SLC12A6: variants seen among roughly 807,000 people sequenced by gnomAD.
The protein encoded by SLC12A6 is K-Cl cotransporter 3.
In SLC12A6, 66 loss-of-function variants were observed where a neutral mutation model predicts 135.3. The ratio of observed to expected loss-of-function variants is 0.49; its 90% CI spans 0.40 to 0.60. SLC12A6 has a LOEUF of 0.60. Ranked by LOEUF, SLC12A6 falls within the 20% of genes least tolerant of loss-of-function variation. The pLI is 0.00. For synonymous variants in SLC12A6, 513 were observed against 508.8 expected (o/e 1.01, Z -0.11); for missense variants, 1,058 against 1,452.3 (o/e 0.73, Z 4.41).
At chr15:34,281,725 T>G (rs933842323) in intron 2 of SLC12A6, among the ~76,000 whole-genome samples, 2 of 152,012 alleles carry the variant, frequency 1.3e-5, no homozygotes, top group Non-Finnish European at 2.9e-5. Flanking sequence ...GAGGCGGAGG[T>G]TGCAGTGAGC....
At chr15:34,281,556 G>A (rs369344067) in intron 2 of SLC12A6, among the ~76,000 whole-genome samples, 5 of 152,246 alleles carry the variant, frequency 3.3e-5, no homozygotes, top group African/African-American at 9.6e-5. Context: ...TTGGGAGGCC[G>A]AGGCGAGTGG....
At position 34,301,946 on chromosome 15, in the gene SLC12A6, C is replaced by A. The variant is rs551186327; in HGVS notation, c.272-26557G>T. Among the ~76,000 whole-genome samples the A allele has an allele frequency of 1.2e-3, 184 of 152,296 alleles. 3 individuals carry two copies. In the Middle Eastern group the frequency reaches 0.02, roughly 17 times the overall value. ...TCCCAAGCAAGAGAAATGTTAAGAC[C>A]ACTTTTTGTTTGAGCTCAGATTTGT... On this transcript the variant is annotated intron_variant, in intron 2 of 25. Transcript: ENST00000354181.
chr15:34,268,419 C>T (rs1028238985), intron 3 of SLC12A6, among the ~76,000 whole-genome samples: 3 of 152,194 alleles, frequency 2.0e-5, no homozygotes, highest in African/African-American at 4.8e-5. Context: ...CAATGGGAGG[C>T]TCCCAAAGAG....
chr15:34,319,261 G>T (rs1444189392), intron 2 of SLC12A6, among the ~76,000 whole-genome samples: 1 of 150,852 alleles, frequency 6.6e-6, no homozygotes, highest in South Asian at 2.1e-4. Context: ...TCAGCCTCAC[G>T]AGTAGCTGGG....
intron 2 of SLC12A6, among the ~76,000 whole-genome samples, chr15:34,292,318 G>A (rs347814): frequency 0.11 from 16,203 of 152,158 alleles, 2,935 homozygotes; most frequent in African/African-American, 0.37. Flanking sequence ...ACCAGCAGAG[G>A]CTGCAGAACA....
chr15:34,241,284 C>A lies in SLC12A6; in HGVS notation c.2216G>T (p.Arg739Leu). ...GIRGLSLSAA[R>L]FALLRLEEGP... ...TTCCTCCAATCGAAGCAAAGCAAACCGGGCTGCACTGAGGGACAGCCCACG... is the reference window on the plus strand; with the variant it reads ...TTCCTCCAATCGAAGCAAAGCAAACAGGGCTGCACTGAGGGACAGCCCACG... Residue 739 changes from arginine (R) to leucine (L), a missense_variant, in exon 18 of 26, where the codon CGG (arginine) becomes CTG (leucine). Physicochemically the swap from Arg to Leu is moderately radical, Grantham distance 102. Around this residue, in one of 6 missense-constraint regions of SLC12A6, gnomAD observed 170 missense variants for 297.6 expected, o/e 0.57. Coordinates refer to ENST00000354181, the MANE Select transcript of SLC12A6 (RefSeq NM_001365088.1). The A allele has an allele frequency of 7.4e-6, 12 of 1,612,126 alleles. No homozygotes were observed. The highest frequency in any genetic ancestry group is 1.0e-5 in the Non-Finnish European group (12 of 1,178,148).
At chr15:34,315,093 G>A (rs192536763) in intron 2 of SLC12A6, among the ~76,000 whole-genome samples, 2 of 152,324 alleles carry the variant, frequency 1.3e-5, no homozygotes, top group Middle Eastern at 3.4e-3. Context: ...TGAAGATGCT[G>A]TGAACACTGG....
intron 25 of SLC12A6, among the ~76,000 whole-genome samples, chr15:34,234,241 A>C (rs1891104417): frequency 6.6e-6 from 1 of 152,210 alleles, no homozygotes; most frequent in Non-Finnish European, 1.5e-5. Flanking sequence ...AAAATGATGA[A>C]AGAAGAAGAA....
intron 6 of SLC12A6, 122 bp downstream of exon 6, chr15:34,257,520 T>C (rs1244253446): frequency 2.6e-6 from 2 of 770,488 alleles, no homozygotes; most frequent in Non-Finnish European, 4.6e-6. Flanking sequence ...AATAATTTCT[T>C]CTGTTGAGAT....
In SLC12A6 at chr15:34,232,332, ATCC is replaced by A. The variant is rs1330499722; in HGVS notation, c.*1546_*1548del. 6.6e-6 allele frequency: 1 copy of A among 152,134 alleles called. No homozygotes were observed. The highest frequency in any genetic ancestry group is 2.4e-5 in the African/African-American group (1 of 41,396). The allele number at this position is 152,134 out of a possible 1,614,324, so 9.4% of individuals were successfully genotyped here. ...AACCTCCGCCTCCTGGGTTCAAATG[ATCC>A]TCCTGCCTTAGCCTTCCGTGTTGCT... On this transcript the variant is annotated 3_prime_UTR_variant, in exon 26 of 26. Coordinates refer to ENST00000354181, the MANE Select transcript of SLC12A6 (RefSeq NM_001365088.1).
intron 6 of SLC12A6, among the ~76,000 whole-genome samples, chr15:34,257,169 GAGA>G (rs1892811295): frequency 6.6e-6 from 1 of 152,162 alleles, no homozygotes; most frequent in Non-Finnish European, 1.5e-5. Flanking sequence ...TCTCAGTAGA[GAGA>G]AGACCTGGAA....
At chr15:34,321,864 G>C (rs1889114216) in intron 2 of SLC12A6, among the ~76,000 whole-genome samples, 1 of 152,200 alleles carries the variant, frequency 6.6e-6, no homozygotes, top group Non-Finnish European at 1.5e-5. Flanking sequence ...TTAAACAGAA[G>C]AGTACATAAT....
chr15:34,241,380 T>C (rs1566804025), intron 17 of SLC12A6, 43 bp from the exon 18 acceptor site: 1 of 1,024,376 alleles, frequency 9.8e-7, no homozygotes, highest in Non-Finnish European at 1.5e-6. Flanking sequence ...TAAACTATAG[T>C]AAGTATAATT....
chr15:34,236,059 T>C lies in SLC12A6; in HGVS notation c.3183A>G (p.Lys1061=). 1 of 1,614,092 alleles carries C rather than the reference T, an allele frequency of 6.2e-7. No homozygotes were observed. Among genetic ancestry groups the C allele is most frequent in the Non-Finnish European group, 8.5e-7 (1 of 1,179,946 alleles). Residue 1061 remains lysine (K), a synonymous_variant, in exon 24 of 26, where the codon AAA becomes AAG. Transcript: ENST00000354181. ...CCTGGAATCCTTCCATTGACTTCGC[T>C]TTTTGTCCCCGGGATGCCATGTACT... ...KDKYMASRGQ[K]AKSMEGFQDL...
chr15:34,284,277 C>CTTTTTTTTTTTTTTTT (rs71415558), intron 2 of SLC12A6, among the ~76,000 whole-genome samples: 7 of 92,488 alleles, frequency 7.6e-5, no homozygotes, highest in African/African-American at 1.3e-4. Flanking sequence ...TGTTTCTTTT[C>CTTTTTTTTTTTTTTTT]TTTTTTTTTT....
chr15:34,296,153 A>T (rs1176304112), intron 2 of SLC12A6, among the ~76,000 whole-genome samples: 2 of 152,234 alleles, frequency 1.3e-5, no homozygotes, highest in Non-Finnish European at 2.9e-5. Context: ...AGTTTTAAAC[A>T]TGCCTAAAGC....
chr15:34,276,905 T>C (rs1298305664), intron 2 of SLC12A6, among the ~76,000 whole-genome samples: 1 of 152,206 alleles, frequency 6.6e-6, no homozygotes, highest in Admixed American at 6.5e-5. Context: ...CTGATGTATA[T>C]TGGAGTATAC....
chr15:34,279,537 C>A (rs983782122), intron 2 of SLC12A6, among the ~76,000 whole-genome samples: 2 of 152,162 alleles, frequency 1.3e-5, no homozygotes, highest in Non-Finnish European at 2.9e-5. Context: ...TCTGAGCACC[C>A]TTCAATTGTT....
rs1237889456 is a variant in SLC12A6, at chr15:34,239,134, C to T, written c.2463G>A (p.Glu821=). The T allele has an allele frequency of 6.2e-7, 1 of 1,613,744 alleles. No individual in the cohort carries two copies. Among genetic ancestry groups the T allele is most frequent in the African/African-American group, 1.3e-5 (1 of 74,920 alleles). ...CCAGCTGGCAGAATCCTTTTACCTTCTCTGCCTCCATTAGGTGCTTTATGG... is the reference window on the plus strand; with the variant it reads ...CCAGCTGGCAGAATCCTTTTACCTTTTCTGCCTCCATTAGGTGCTTTATGG... The part of the protein sequence containing the change: ...EQTIKHLMEA[E]KVKGFCQLVV... The change falls in exon 20 of 26, where the codon GAG becomes GAA. Residue 821 remains glutamate, a synonymous_variant. Coordinates refer to ENST00000354181, the MANE Select transcript of SLC12A6 (RefSeq NM_001365088.1).
Sources: gnomAD v4.1 joint callset for allele counts (sites outside exome capture counted in the v4.1 genomes callset) on GRCh38, gnomAD v4.1.1 for gene constraint, gnomAD v4.1.1 regional missense constraint, MANE v1.5 for transcripts, NCBI Gene and HGNC (gene_info 2026-07-23, HGNC 2026-07-21) for gene names.